Variants in LIPH observed in about 807,000 individuals in gnomAD.
LIPH encodes the protein lipase member H.
In LIPH, 32 loss-of-function variants were observed where a neutral mutation model predicts 47.6. That is an observed-to-expected ratio of 0.67 (90% CI 0.51 to 0.90). LIPH has a LOEUF of 0.90. LIPH is among the 40% of genes least tolerant of loss of function. The pLI is 0.00. For missense variants in LIPH, 497 were observed against 541.4 expected (o/e 0.92, Z 0.81); for synonymous variants, 190 against 195.6 (o/e 0.97, Z 0.24).
intron 9 of LIPH, 84 bp downstream of exon 9, chr3:185,511,440 T>G: frequency 8.1e-7 from 1 of 1,239,116 alleles, no homozygotes; most frequent in South Asian, 1.2e-5. Flanking sequence ...AGAGTCTTAT[T>G]AACACATCAG....
At chr3:185,515,374 G>T (rs1452687553) in intron 7 of LIPH, among the ~76,000 whole-genome samples, 1 of 151,922 alleles carries the variant, frequency 6.6e-6, no homozygotes, top group Non-Finnish European at 1.5e-5. Flanking sequence ...ACAGTCCCAC[G>T]AAGGAATAAG....
At chr3:185,520,221 T>C (rs1292431345) in intron 5 of LIPH, among the ~76,000 whole-genome samples, 1 of 152,002 alleles carries the variant, frequency 6.6e-6, no homozygotes, top group African/African-American at 2.4e-5. Flanking sequence ...AAAATCGTTA[T>C]CATAAAAGTA....
intron 6 of LIPH, among the ~76,000 whole-genome samples, chr3:185,518,753 G>T (rs922987349): frequency 1.3e-5 from 2 of 150,564 alleles, no homozygotes; most frequent in Non-Finnish European, 3.0e-5. Flanking sequence ...ACAGGGTCTT[G>T]CTCTGTGACC....
chr3:185,547,077 G>T (rs959459504), intron 1 of LIPH: 29 of 320,248 alleles, frequency 9.1e-5, no homozygotes, highest in African/African-American at 5.4e-4. Context: ...GGAGGCGGAG[G>T]TTGCAGTGAG....
At position 185,519,274 on chromosome 3, in the gene LIPH, C is replaced by T. The variant is rs960010245; in HGVS notation, c.754G>A (p.Val252Ile). The change falls in exon 6 of 10, where the codon GTA becomes ATA. Residue 252 changes from valine to isoleucine, a missense_variant. Physicochemically the swap from Val to Ile is conservative, Grantham distance 29. Coordinates refer to ENST00000296252, the MANE Select transcript of LIPH (RefSeq NM_139248.3). ...CTCAGGGAAGACAGGTACAGGTATACAGACCTCTGGTGGTCACATTTAAAA... is the reference window on the plus strand; with the variant it reads ...CTCAGGGAAGACAGGTACAGGTATATAGACCTCTGGTGGTCACATTTAAAA... ...QYFKCDHQRSVYLYLSSLRES... is the reference protein window; with the variant it reads ...QYFKCDHQRSIYLYLSSLRES... 2 of 1,613,288 alleles carry T rather than the reference C, an allele frequency of 1.2e-6. No individual in the cohort carries two copies. The highest frequency in any genetic ancestry group is 1.7e-6 in the Non-Finnish European group (2 of 1,179,264).
chr3:185,534,853 C>A lies in LIPH; in HGVS notation c.329G>T (p.Arg110Leu), dbSNP rs370653261. The A allele has an allele frequency of 3.4e-5, 55 of 1,613,980 alleles. No individual in the cohort carries two copies. The East Asian group carries it at 6.0e-4, about 18-fold the overall frequency. Residue 110 changes from arginine to leucine, a missense_variant, in exon 2 of 10, where the codon CGA (arginine) becomes CTA (leucine). Coordinates refer to ENST00000296252, the MANE Select transcript of LIPH (RefSeq NM_139248.3). Reference protein sequence around the residue: ...DMNVVVVDWNRGATTLIYTHA... With the variant: ...DMNVVVVDWNLGATTLIYTHA... ...GGTATATATTAAAGTTGTAGCTCCT[C>A]GATTCCAATCAACAACAACTACGTT...
chr3:185,537,140 C>G (rs1720526747), intron 1 of LIPH, among the ~76,000 whole-genome samples: 1 of 152,184 alleles, frequency 6.6e-6, no homozygotes, highest in African/African-American at 2.4e-5. Context: ...CTGCCTTGGC[C>G]TCCCAAAGTG....
chr3:185,548,746 A>G (rs1720961065), intron 1 of LIPH, among the ~76,000 whole-genome samples: 1 of 73,638 alleles, frequency 1.4e-5, no homozygotes, highest in South Asian at 4.2e-4. Context: ...AAACAAAACA[A>G]AAACAAAACA....
At chr3:185,512,383 C>T (rs12233622) in intron 8 of LIPH, among the ~76,000 whole-genome samples, 63,417 of 151,538 alleles carry the variant, frequency 0.42, 13,422 homozygotes, top group Middle Eastern at 0.48. Context: ...GAAGGTAAGG[C>T]ATATCACTGG....
Position 185,547,021 on chromosome 3 carries a change from G to A in LIPH, c.49+5402C>T, listed in dbSNP as rs777597102. 4.5e-5 allele frequency: 18 copies of A among 400,374 alleles called. No homozygotes were observed. The East Asian group carries it at 1.3e-3, about 29-fold the overall frequency. The allele number at this position is 400,374 out of a possible 1,614,324, so 24.8% of individuals were successfully genotyped here. ...ATGGACAGAGGCGAGGAAATTCTGAGATTCTACGATAGTCAATAAGCAAAG... is the reference window on the plus strand; with the variant it reads ...ATGGACAGAGGCGAGGAAATTCTGAAATTCTACGATAGTCAATAAGCAAAG... On this transcript the variant is annotated intron_variant, in intron 1 of 9. Coordinates refer to ENST00000296252, the MANE Select transcript of LIPH (RefSeq NM_139248.3).
rs936089846 is a variant in LIPH at position 185,508,286 on chromosome 3, T to C, written c.*504A>G. On this transcript the variant is annotated 3_prime_UTR_variant, in exon 10 of 10. Transcript: ENST00000296252. ...TCTCATAGATGTGGCACCTATGGGA[T>C]TTCAAAAAACCCTTCATAGATTTTT... 6.0e-6 allele frequency: 1 copy of C among 166,648 alleles called. No homozygotes were observed. The highest frequency in any genetic ancestry group is 1.5e-4 in the South Asian group (1 of 6,474). 10.3% of individuals were successfully genotyped at this position (166,648 alleles called of 1,614,324 possible).
chr3:185,546,221 G>T (rs557058683), intron 1 of LIPH, among the ~76,000 whole-genome samples: 2 of 150,322 alleles, frequency 1.3e-5, no homozygotes, highest in Non-Finnish European at 3.0e-5. Context: ...GTGTGGTAGC[G>T]CACACCTGTA....
At chr3:185,540,213 T>C (rs560757806) in intron 1 of LIPH, among the ~76,000 whole-genome samples, 2 of 152,284 alleles carry the variant, frequency 1.3e-5, no homozygotes, top group South Asian at 4.2e-4. Context: ...TTCTCAGAGG[T>C]CCCACATGGA....
chr3:185,535,763 G>A (rs547430058), intron 1 of LIPH, among the ~76,000 whole-genome samples: 3 of 150,308 alleles, frequency 2.0e-5, no homozygotes, highest in South Asian at 2.1e-4. Context: ...CCACAACACC[G>A]GGCTAATTTT....
intron 5 of LIPH, among the ~76,000 whole-genome samples, chr3:185,523,755 T>C (rs926074985): frequency 6.7e-6 from 1 of 150,204 alleles, no homozygotes; most frequent in Non-Finnish European, 1.5e-5. Context: ...GGAGTATCAC[T>C]CTTGTTGCCC....
intron 1 of LIPH, among the ~76,000 whole-genome samples, chr3:185,547,634 C>T (rs1055099439): frequency 6.6e-6 from 1 of 151,872 alleles, no homozygotes; most frequent in Admixed American, 6.6e-5. Flanking sequence ...GCCAGCCTGG[C>T]CAACATGGCG....
At chr3:185,536,457 C>T (rs559286101) in intron 1 of LIPH, among the ~76,000 whole-genome samples, 1 of 152,268 alleles carries the variant, frequency 6.6e-6, no homozygotes, top group South Asian at 2.1e-4. Flanking sequence ...GAAGCATTTG[C>T]TCTGGGTCCC....
intron 1 of LIPH, among the ~76,000 whole-genome samples, chr3:185,547,838 AAAG>A (rs1236607782): frequency 7.9e-5 from 12 of 151,984 alleles, no homozygotes; most frequent in Non-Finnish European, 1.5e-4. Context: ...AAAAAAAAAA[AAAG>A]AAGAAGAAAG....
intron 5 of LIPH, among the ~76,000 whole-genome samples, chr3:185,521,017 G>C (rs973539800): frequency 2.0e-5 from 3 of 151,834 alleles, no homozygotes; most frequent in Admixed American, 2.0e-4. Context: ...TTATAGGCTC[G>C]TACCACCACT....
Sources: gnomAD v4.1 joint callset for allele counts (sites outside exome capture counted in the v4.1 genomes callset) on GRCh38, gnomAD v4.1.1 for gene constraint, MANE v1.5 for transcripts, NCBI Gene and HGNC (gene_info 2026-07-23, HGNC 2026-07-21) for gene names.